Variants in EYS observed in about 807,000 individuals in gnomAD.
The protein encoded by EYS is EGF-like photoreceptor maintenance factor.
Under a neutral mutation model 282.1 loss-of-function variants are expected in EYS, and 250 were observed. That is an observed-to-expected ratio of 0.89 (90% CI 0.80 to 0.98). EYS has a LOEUF of 0.98. Ranked by LOEUF, EYS falls within the 50% of genes least tolerant of loss-of-function variation. The pLI, the probability that EYS is intolerant of heterozygous loss-of-function variation, is 0.00. For missense variants in EYS, 4,016 were observed against 3,709.0 expected (o/e 1.08, Z -2.15); for synonymous variants, 1,355 against 1,282.9 (o/e 1.06, Z -1.20).
intron 8 of EYS, among the ~76,000 whole-genome samples, chr6:65,368,827 A>AT (rs1765018191): frequency 6.6e-6 from 1 of 151,592 alleles, no homozygotes; most frequent in Non-Finnish European, 1.5e-5. Context: ...AAACTACTCA[A>AT]TTAATGAAGT....
rs556331155 is a variant in EYS, at chr6:65,281,031, A to G, written c.2023+14832T>C. On this transcript the variant is annotated intron_variant, in intron 12 of 42. Transcript: ENST00000503581. The stretch of plus-strand genomic sequence containing the variant: ...AGCCTGGGCAACAGAGTGAGATGCC[A>G]TCTCAAAAAAAAAAAAAAAAGAAAA... Among the ~76,000 whole-genome samples the G allele has an allele frequency of 1.9e-3, 133 of 68,482 alleles. 2 individuals carry two copies. Among genetic ancestry groups the G allele is most frequent in the African/African-American group, 4.3e-3 (124 of 29,100 alleles). The allele number at this position is 68,482 out of a possible 152,430, so 44.9% of individuals were successfully genotyped here.
At chr6:64,594,574 AG>A (rs1467412605) in intron 24 of EYS, among the ~76,000 whole-genome samples, 6 of 151,782 alleles carry the variant, frequency 4.0e-5, no homozygotes, top group Non-Finnish European at 8.8e-5. Context: ...CATCATTCTC[AG>A]CAAACTATCG....
chr6:64,082,910 T>C (rs1772021313), intron 31 of EYS, among the ~76,000 whole-genome samples: 1 of 140,286 alleles, frequency 7.1e-6, no homozygotes, highest in African/African-American at 2.5e-5. Context: ...AAAATGCAAC[T>C]TCTTTTTTTT....
At chr6:65,309,492 G>T (rs1315146605) in intron 11 of EYS, among the ~76,000 whole-genome samples, 3 of 152,138 alleles carry the variant, frequency 2.0e-5, no homozygotes, top group Admixed American at 6.5e-5. Flanking sequence ...ATGTGCCTCT[G>T]CTTCCTATGA....
intron 5 of EYS, among the ~76,000 whole-genome samples, chr6:65,474,332 G>A (rs766505396): frequency 4.6e-5 from 7 of 152,034 alleles, no homozygotes; most frequent in Admixed American, 2.0e-4. Flanking sequence ...AAAAAAGAAC[G>A]TGTGGTGTGG....
At chr6:64,392,055 C>T (rs954636527) in intron 28 of EYS, among the ~76,000 whole-genome samples, 4 of 152,016 alleles carry the variant, frequency 2.6e-5, no homozygotes, top group Admixed American at 6.5e-5. Flanking sequence ...GTAAAGGGAT[C>T]AATTCAACAA....
rs78692915 is a variant in EYS at position 65,246,577 on chromosome 6, C to T, written c.2023+49286G>A. On this transcript the variant is annotated intron_variant, in intron 12 of 42. Coordinates refer to ENST00000503581, the MANE Select transcript of EYS (RefSeq NM_001142800.2). ...CTTGGTGGTCACTGGGAAAAGAGCC[C>T]CCCATAGTAATATTTTTTTCCTGTC... 1.9e-3 allele frequency among the ~76,000 whole-genome samples: 286 copies of T among 152,102 alleles called. 4 individuals are homozygous for T. The East Asian group carries it at 0.035, about 19-fold the overall frequency.
At chr6:65,229,063 G>C (rs1029889834) in intron 12 of EYS, among the ~76,000 whole-genome samples, 9 of 151,908 alleles carry the variant, frequency 5.9e-5, no homozygotes, top group Non-Finnish European at 1.0e-4. Flanking sequence ...ATTCTTGAGA[G>C]TAGACAAAAT....
At chr6:65,078,867 T>G (rs1774139060) in intron 12 of EYS, among the ~76,000 whole-genome samples, 2 of 151,690 alleles carry the variant, frequency 1.3e-5, no homozygotes, top group Non-Finnish European at 2.9e-5. Flanking sequence ...TGAGTACTCA[T>G]GAGATCTGGT....
chr6:65,684,284 C>G (rs1201440668), intron 1 of EYS, among the ~76,000 whole-genome samples: 3 of 151,900 alleles, frequency 2.0e-5, no homozygotes, highest in African/African-American at 7.3e-5. Context: ...CTCTTATCTC[C>G]CCAAGCTCTA....
intron 28 of EYS, among the ~76,000 whole-genome samples, chr6:64,405,235 C>G (rs964702777): frequency 6.6e-6 from 1 of 152,030 alleles, no homozygotes; most frequent in East Asian, 1.9e-4. Context: ...CTTAATTAAC[C>G]CATCCTTTCA....
At chr6:65,090,646 G>A (rs896470924) in intron 12 of EYS, among the ~76,000 whole-genome samples, 23 of 152,058 alleles carry the variant, frequency 1.5e-4, no homozygotes, top group Middle Eastern at 3.2e-3. Context: ...TCATGGGAGC[G>A]GCTGATGCAG....
rs201999091 is a variant in EYS, at chr6:65,274,909, G to A, written c.2023+20954C>T. Among the ~76,000 whole-genome samples, 63 of 148,518 alleles carry A rather than the reference G, an allele frequency of 4.2e-4. 1 individual carries two copies. The highest frequency in any genetic ancestry group is 2.0e-3 in the Admixed American group (29 of 14,870). ...GGTTCCTCCTACAGCCAAAAAAAAA[G>A]GAGAGAGAGAGAGAGAGAGAGAGAG... is the stretch of plus-strand genomic sequence containing the variant. On this transcript the variant is annotated intron_variant, in intron 12 of 42. Coordinates refer to ENST00000503581, the MANE Select transcript of EYS (RefSeq NM_001142800.2).
At chr6:63,943,087 C>T (rs568428910) in intron 35 of EYS, among the ~76,000 whole-genome samples, 15 of 152,228 alleles carry the variant, frequency 9.9e-5, no homozygotes, top group African/African-American at 1.4e-4. Flanking sequence ...TTAGTAGTTA[C>T]GCTTCTGAGA....
intron 13 of EYS, among the ~76,000 whole-genome samples, chr6:65,034,433 T>C (rs1772703449): frequency 1.3e-5 from 2 of 152,134 alleles, no homozygotes; most frequent in Non-Finnish European, 2.9e-5. Context: ...GCAATCCCTA[T>C]TGCTGGAAAT....
chr6:64,902,942 T>G (rs1464646506), intron 16 of EYS, among the ~76,000 whole-genome samples: 1 of 152,054 alleles, frequency 6.6e-6, no homozygotes, highest in Non-Finnish European at 1.5e-5. Context: ...ATCCAAGTGA[T>G]TCAAAGAAAA....
intron 31 of EYS, among the ~76,000 whole-genome samples, chr6:64,102,543 T>C (rs954427749): frequency 3.9e-5 from 6 of 152,148 alleles, no homozygotes; most frequent in African/African-American, 1.4e-4. Flanking sequence ...CATTTAAAAA[T>C]AGCCATTGTT....
intron 14 of EYS, among the ~76,000 whole-genome samples, chr6:64,975,980 C>G (rs1770465189): frequency 6.6e-6 from 1 of 151,596 alleles, no homozygotes; most frequent in Non-Finnish European, 1.5e-5. Flanking sequence ...AGAGAAATAG[C>G]TGCAGTAAGT....
At chr6:65,516,512 T>C (rs969040588) in intron 2 of EYS, among the ~76,000 whole-genome samples, 1 of 152,124 alleles carries the variant, frequency 6.6e-6, no homozygotes, top group African/African-American at 2.4e-5. Context: ...AATGGTAGTT[T>C]ATGTTTCAGG....
Sources: gnomAD v4.1 joint callset for allele counts (sites outside exome capture counted in the v4.1 genomes callset) on GRCh38, gnomAD v4.1.1 for gene constraint, MANE v1.5 for transcripts, NCBI Gene and HGNC (gene_info 2026-07-23, HGNC 2026-07-21) for gene names.